The following FRMD4B variants were observed in gnomAD, a reference collection of about 807,000 sequenced individuals.
FRMD4B encodes FERM domain containing 4B.
FRMD4B carries 74 observed loss-of-function variants against 141.5 expected under a neutral mutation model. The ratio of observed to expected loss-of-function variants is 0.52; its 90% CI spans 0.43 to 0.63. The LOEUF (loss-of-function observed/expected upper bound fraction) is 0.63. FRMD4B is among the 30% of genes least tolerant of loss of function. FRMD4B has a pLI of 0.00. For missense variants in FRMD4B, 1,366 were observed against 1,253.4 expected (o/e 1.09, Z -1.36); for synonymous variants, 506 against 467.9 (o/e 1.08, Z -1.05).
chr3:69,532,708 T>C (rs1701022987), intron 1 of FRMD4B, among the ~76,000 whole-genome samples: 2 of 152,226 alleles, frequency 1.3e-5, no homozygotes, highest in Admixed American at 6.5e-5. Context: ...GCAAGCTTTG[T>C]GCCTGTCCCG....
At position 69,468,849 on chromosome 3, in the gene FRMD4B, T is replaced by G. The variant is rs548478739; in HGVS notation, c.-128-36088A>C. On this transcript the variant is annotated intron_variant, in intron 1 of 5. Transcript: ENST00000459638. ...CTGTTCTGAGAGTTAAAAATCTGCT[T>G]CATTGTGTAAATATGTTTGAGTCCA... Among the ~76,000 whole-genome samples, 3 of 152,284 alleles carry G rather than the reference T, an allele frequency of 2.0e-5. No individual in the cohort carries two copies. The South Asian group carries it at 6.2e-4, about 32-fold the overall frequency.
At chr3:69,461,383 ACC>A (rs5849903) in intron 1 of FRMD4B, among the ~76,000 whole-genome samples, 1 of 150,802 alleles carries the variant, frequency 6.6e-6, no homozygotes, top group East Asian at 2.0e-4. Flanking sequence ...ACATAGTGAG[ACC>A]CCCCCCATCT....
intron 1 of FRMD4B, among the ~76,000 whole-genome samples, chr3:69,494,664 G>T (rs1308429134): frequency 1.3e-5 from 2 of 152,142 alleles, no homozygotes; most frequent in Non-Finnish European, 2.9e-5. Context: ...GGCCAAGGTG[G>T]GTGGATCACC....
chr3:69,359,261 A>C (rs1169419130), intron 1 of FRMD4B, among the ~76,000 whole-genome samples: 2 of 152,190 alleles, frequency 1.3e-5, no homozygotes, highest in Non-Finnish European at 2.9e-5. Context: ...CTGTATGGGG[A>C]GAGTGAGCTC....
intron 11 of FRMD4B, among the ~76,000 whole-genome samples, chr3:69,215,936 T>G (rs1377287256): frequency 6.6e-6 from 1 of 152,020 alleles, no homozygotes; most frequent in Non-Finnish European, 1.5e-5. Context: ...GGCAGATCAC[T>G]TGAGGTCAGA....
rs571379624 is a variant in FRMD4B, at chr3:69,445,066, C to T, written c.-128-12305G>A. ...AAAAGTCTCGCAAAGCAAAAGTAAA[C>T]TCCTCCGAGCACTCCCGCTGCGGTC... On this transcript the variant is annotated intron_variant, in intron 1 of 5. Coordinates refer to the FRMD4B transcript ENST00000459638. Among the ~76,000 whole-genome samples, 56 of 152,286 alleles carry T rather than the reference C, an allele frequency of 3.7e-4. 1 individual carries two copies. The South Asian group carries it at 5.4e-3, about 15-fold the overall frequency.
At chr3:69,517,596 A>C (rs973369112) in intron 1 of FRMD4B, among the ~76,000 whole-genome samples, 1 of 152,178 alleles carries the variant, frequency 6.6e-6, no homozygotes, top group African/African-American at 2.4e-5. Flanking sequence ...AAGGCCCCCA[A>C]ATAACGGATT....
intron 1 of FRMD4B, among the ~76,000 whole-genome samples, chr3:69,440,833 C>T (rs1705331419): frequency 6.6e-6 from 1 of 152,162 alleles, no homozygotes. Context: ...TGAATACTTA[C>T]ATTTGCATTC....
At chr3:69,175,841 C>T (rs1406657780) in intron 22 of FRMD4B, among the ~76,000 whole-genome samples, 1 of 137,464 alleles carries the variant, frequency 7.3e-6, no homozygotes, top group East Asian at 2.2e-4. Flanking sequence ...AGTGCAGTGG[C>T]GCGATCTGGG....
At chr3:69,238,779 T>C (rs1364687752) in intron 7 of FRMD4B, among the ~76,000 whole-genome samples, 1 of 152,166 alleles carries the variant, frequency 6.6e-6, no homozygotes, top group Non-Finnish European at 1.5e-5. Context: ...AGAAAAATCC[T>C]GCCTCAAAAC....
intron 1 of FRMD4B, among the ~76,000 whole-genome samples, chr3:69,349,849 T>A (rs1263857001): frequency 6.6e-6 from 1 of 152,124 alleles, no homozygotes; most frequent in African/African-American, 2.4e-5. Flanking sequence ...ACCTAAATGT[T>A]AGACCTAAAA....
At chr3:69,326,287 A>G (rs1251512597) in intron 1 of FRMD4B, among the ~76,000 whole-genome samples, 1 of 152,230 alleles carries the variant, frequency 6.6e-6, no homozygotes, top group East Asian at 1.9e-4. Context: ...CTAAGCTGTC[A>G]TGTTTAAGTT....
At chr3:69,329,685 G>A (rs1055215671) in intron 1 of FRMD4B, among the ~76,000 whole-genome samples, 1 of 151,132 alleles carries the variant, frequency 6.6e-6, no homozygotes, top group Non-Finnish European at 1.5e-5. Flanking sequence ...CCGCCACCAG[G>A]CCTGGCTAAT....
At chr3:69,533,272 T>C (rs545925006) in intron 1 of FRMD4B, among the ~76,000 whole-genome samples, 11 of 152,334 alleles carry the variant, frequency 7.2e-5, no homozygotes, top group African/African-American at 2.4e-4. Context: ...GCTCTCATGC[T>C]GTGACTGTCA....
intron 1 of FRMD4B, among the ~76,000 whole-genome samples, chr3:69,370,388 G>A (rs1030292150): frequency 6.6e-6 from 1 of 152,176 alleles, no homozygotes; most frequent in East Asian, 1.9e-4. Flanking sequence ...CAAGGTCCCC[G>A]CCCTGGGCTG....
rs2092818161 is a variant in FRMD4B at position 69,189,929 on chromosome 3, T to A, written c.1738A>T (p.Ser580Cys). The change falls in exon 18 of 23, where the codon AGC becomes TGC. Residue 580 changes from serine to cysteine, a missense_variant. Ser to Cys is a moderately radical substitution (Grantham distance 112, BLOSUM62 -1). Coordinates refer to ENST00000398540, the MANE Select transcript of FRMD4B (RefSeq NM_015123.3). ...TAGGTGGTGGTGTCAGACAAAGAGCTACTCTCTGAGGGGATTATGTCTTCT... is the reference window on the plus strand; with the variant it reads ...TAGGTGGTGGTGTCAGACAAAGAGCAACTCTCTGAGGGGATTATGTCTTCT... ...LPEDIIPSESSSLSDTTTYDD... is the reference protein window; with the variant it reads ...LPEDIIPSESCSLSDTTTYDD... The A allele has an allele frequency of 1.9e-6, 3 of 1,600,824 alleles. No individual in the cohort carries two copies. In the South Asian group the frequency reaches 3.3e-5, roughly 18 times the overall value.
intron 2 of FRMD4B, among the ~76,000 whole-genome samples, chr3:69,421,459 C>T (rs1418531532): frequency 6.6e-6 from 1 of 152,156 alleles, no homozygotes; most frequent in African/African-American, 2.4e-5. Flanking sequence ...ATGTTTTGTC[C>T]AGTGAGGGCA....
chr3:69,483,822 C>A (rs1360911260), intron 1 of FRMD4B, among the ~76,000 whole-genome samples: 1 of 151,980 alleles, frequency 6.6e-6, no homozygotes, highest in African/African-American at 2.4e-5. Context: ...TATCAAAAGC[C>A]CCAAATTATT....
In FRMD4B at chr3:69,501,292, C is replaced by T. The variant is rs989568168; in HGVS notation, c.-129+40914G>A. ...TAGCGTTAGTATATTTTATGTGTGG[C>T]CCAAGACAATTCTTCCAGTGTGGCT... On this transcript the variant is annotated intron_variant, in intron 1 of 5. Coordinates refer to the FRMD4B transcript ENST00000459638. Among the ~76,000 whole-genome samples the T allele has an allele frequency of 9.4e-5, 14 of 149,646 alleles. No individual in the cohort carries two copies. The East Asian group carries it at 2.5e-3, about 27-fold the overall frequency.
Sources: allele counts gnomAD v4.1 joint callset (sites outside exome capture counted in the v4.1 genomes callset), GRCh38; gene constraint gnomAD v4.1.1; transcripts MANE v1.5; gene names NCBI Gene and HGNC (gene_info 2026-07-23, HGNC 2026-07-21).